The following GABBR2 variants were observed in gnomAD, a reference collection of about 807,000 sequenced individuals.
GABBR2 encodes the protein gamma-aminobutyric acid type B receptor subunit 2.
Under a neutral mutation model 105.6 loss-of-function variants are expected in GABBR2, and 23 were observed. The observed-to-expected ratio is 0.22, with a 90% CI of 0.16 to 0.31. The LOEUF is 0.31. GABBR2 is among the 10% of genes least tolerant of loss of function. The pLI is 1.00. For missense variants in GABBR2, 734 were observed against 1,245.5 expected (o/e 0.59, Z 6.18); for synonymous variants, 478 against 499.7 (o/e 0.96, Z 0.58).
intron 7 of GABBR2, among the ~76,000 whole-genome samples, chr9:98,424,682 C>T (rs1354172505): frequency 6.7e-6 from 1 of 149,866 alleles, no homozygotes; most frequent in East Asian, 1.9e-4. Context: ...TTCTTATACA[C>T]CAATAACAGA....
intron 3 of GABBR2, among the ~76,000 whole-genome samples, chr9:98,508,294 T>C (rs967844592): frequency 6.6e-6 from 1 of 152,180 alleles, no homozygotes; most frequent in African/African-American, 2.4e-5. Flanking sequence ...GGAGCCAAGA[T>C]GGCCGAATAG....
chr9:98,319,173 C>T (rs940797563), intron 13 of GABBR2, among the ~76,000 whole-genome samples: 1 of 152,112 alleles, frequency 6.6e-6, no homozygotes, highest in Non-Finnish European at 1.5e-5. Context: ...TCCTCATCTA[C>T]AACCTCCCAG....
Position 98,708,606 on chromosome 9 carries a change from C to T in GABBR2, c.132G>A (p.Arg44=), listed in dbSNP as rs1410879265. ...PLAPGAWGWA[R]GAPRPPPSSP... ...TGCTGGGCGGCGGCCGGGGGGCGCC[C>T]CGCGCCCAGCCCCAGGCCCCGGGCG... Residue 44 remains arginine (R), a synonymous_variant, in exon 1 of 19, where the codon CGG becomes CGA. Coordinates refer to ENST00000259455, the MANE Select transcript of GABBR2 (RefSeq NM_005458.8). The T allele has an allele frequency of 4.3e-6, 6 of 1,402,324 alleles. No individual in the cohort carries two copies. Among genetic ancestry groups the T allele is most frequent in the Non-Finnish European group, 5.6e-6 (6 of 1,075,858 alleles). 86.9% of individuals were successfully genotyped at this position (1,402,324 alleles called of 1,614,324 possible).
intron 6 of GABBR2, among the ~76,000 whole-genome samples, chr9:98,464,153 G>A (rs544949480): frequency 1.7e-3 from 258 of 151,024 alleles, no homozygotes; most frequent in Non-Finnish European, 2.6e-3. Flanking sequence ...GGTGAGGAGC[G>A]CCTCTGCCCG....
chr9:98,460,484 T>G (rs1826404555), intron 6 of GABBR2, among the ~76,000 whole-genome samples: 1 of 151,886 alleles, frequency 6.6e-6, no homozygotes, highest in Admixed American at 6.6e-5. Context: ...AATATAAAAA[T>G]TCTAAAAATA....
chr9:98,405,265 C>T (rs1832469927), intron 8 of GABBR2, among the ~76,000 whole-genome samples: 1 of 152,060 alleles, frequency 6.6e-6, no homozygotes, highest in Non-Finnish European at 1.5e-5. Flanking sequence ...AAATCAAAAC[C>T]AAAAACAGGT....
At chr9:98,572,556 C>T (rs1828847199) in intron 2 of GABBR2, among the ~76,000 whole-genome samples, 1 of 152,198 alleles carries the variant, frequency 6.6e-6, no homozygotes, top group Admixed American at 6.5e-5. Flanking sequence ...CCTGTAGACC[C>T]ACCCATCCAC....
intron 7 of GABBR2, among the ~76,000 whole-genome samples, chr9:98,419,155 G>A (rs1469946453): frequency 1.3e-5 from 2 of 152,186 alleles, no homozygotes; most frequent in African/African-American, 4.8e-5. Flanking sequence ...CCGTCCAGGC[G>A]CCAGGCAAGG....
At chr9:98,705,056 A>G (rs1564156478) in intron 1 of GABBR2, among the ~76,000 whole-genome samples, 1 of 152,228 alleles carries the variant, frequency 6.6e-6, no homozygotes, top group Non-Finnish European at 1.5e-5. Context: ...GCTCAGAGCT[A>G]AAATATAATA....
chr9:98,317,596 T>A (rs1830740861), intron 13 of GABBR2, among the ~76,000 whole-genome samples: 1 of 152,212 alleles, frequency 6.6e-6, no homozygotes, highest in Admixed American at 6.5e-5. Flanking sequence ...TACAGTGTAG[T>A]TAATGGGAGT....
At chr9:98,408,818 C>T (rs370783723) in intron 7 of GABBR2, among the ~76,000 whole-genome samples, 2 of 152,206 alleles carry the variant, frequency 1.3e-5, no homozygotes, top group Admixed American at 6.5e-5. Flanking sequence ...GACAGGGTCT[C>T]GCTCTGTTAT....
At chr9:98,414,437 C>T (rs1832649122) in intron 7 of GABBR2, among the ~76,000 whole-genome samples, 1 of 152,176 alleles carries the variant, frequency 6.6e-6, no homozygotes, top group African/African-American at 2.4e-5. Context: ...AGGAATGTGA[C>T]CGGCAAGGTG....
chr9:98,619,971 C>G (rs1829645215), intron 1 of GABBR2, among the ~76,000 whole-genome samples: 1 of 152,130 alleles, frequency 6.6e-6, no homozygotes, highest in African/African-American at 2.4e-5. Context: ...GGTCACTTAC[C>G]CTCTCTGTGC....
chr9:98,672,241 C>G (rs939486408), intron 1 of GABBR2, among the ~76,000 whole-genome samples: 1 of 152,126 alleles, frequency 6.6e-6, no homozygotes, highest in African/African-American at 2.4e-5. Flanking sequence ...CTGGCGACCA[C>G]CATTCCACTT....
chr9:98,482,806 C>T (rs975949722), intron 4 of GABBR2, among the ~76,000 whole-genome samples: 1 of 152,106 alleles, frequency 6.6e-6, no homozygotes, highest in Non-Finnish European at 1.5e-5. Context: ...ATGAAACTCA[C>T]CCGGTGGCTT....
chr9:98,449,561 T>C (rs1308434642), intron 7 of GABBR2, among the ~76,000 whole-genome samples: 1 of 151,968 alleles, frequency 6.6e-6, no homozygotes, highest in African/African-American at 2.4e-5. Flanking sequence ...TCAGAAGTTA[T>C]GGGGTGGGGC....
intron 2 of GABBR2, among the ~76,000 whole-genome samples, chr9:98,571,447 G>C (rs1385018814): frequency 6.6e-6 from 1 of 152,208 alleles, no homozygotes; most frequent in Non-Finnish European, 1.5e-5. Flanking sequence ...GGGATGAACA[G>C]GCCTTAGAGA....
At chr9:98,401,505 G>C (rs1832394381) in intron 8 of GABBR2, among the ~76,000 whole-genome samples, 1 of 152,152 alleles carries the variant, frequency 6.6e-6, no homozygotes, top group African/African-American at 2.4e-5. Context: ...TCGAGGCTAG[G>C]GTCAAGCTGG....
At chr9:98,622,613 C>A (rs1329092289) in intron 1 of GABBR2, among the ~76,000 whole-genome samples, 1 of 152,204 alleles carries the variant, frequency 6.6e-6, no homozygotes, top group African/African-American at 2.4e-5. Flanking sequence ...TATGTCAGAC[C>A]ATGGCACTCC....
Sources: allele counts gnomAD v4.1 joint callset (sites outside exome capture counted in the v4.1 genomes callset), GRCh38; gene constraint gnomAD v4.1.1; transcripts MANE v1.5; gene names NCBI Gene and HGNC (gene_info 2026-07-23, HGNC 2026-07-21).